Variants in BCAR3 observed in about 807,000 individuals in gnomAD.
BCAR3 encodes BCAR3 adaptor protein, NSP family member.
In BCAR3, 37 loss-of-function variants were observed where a neutral mutation model predicts 80.1. That is an observed-to-expected ratio of 0.46 (90% CI 0.36 to 0.61). BCAR3 has a LOEUF of 0.61. BCAR3 is among the 20% of genes least tolerant of loss of function. BCAR3 has a pLI of 0.00. For synonymous variants in BCAR3, 389 were observed against 418.9 expected (o/e 0.93, Z 0.87); for missense variants, 978 against 1,068.2 (o/e 0.92, Z 1.18).
intron 2 of BCAR3, among the ~76,000 whole-genome samples, chr1:93,666,302 T>C (rs561744019): frequency 2.6e-5 from 4 of 152,266 alleles, no homozygotes; most frequent in Non-Finnish European, 5.9e-5. Context: ...CTGAAGTTAA[T>C]TTTAATCCTT....
intron 10 of BCAR3, 31 bp from the exon 11 acceptor site, chr1:93,567,522 C>A (rs762644785): frequency 1.8e-5 from 29 of 1,605,920 alleles, no homozygotes; most frequent in Non-Finnish European, 2.3e-5. Flanking sequence ...TTTTCCATAT[C>A]ACATGTTTTC....
chr1:93,826,085 G>C (rs1654363564), intron 2 of BCAR3, among the ~76,000 whole-genome samples: 1 of 152,156 alleles, frequency 6.6e-6, no homozygotes, highest in South Asian at 2.1e-4. Flanking sequence ...AAAGAGGGGA[G>C]AGGGAAGGAA....
chr1:93,640,232 A>T (rs1217752859), intron 3 of BCAR3, among the ~76,000 whole-genome samples: 2 of 152,152 alleles, frequency 1.3e-5, no homozygotes, highest in Non-Finnish European at 2.9e-5. Flanking sequence ...ACTAAGTGTG[A>T]GAAGTGCTAC....
intron 3 of BCAR3, among the ~76,000 whole-genome samples, chr1:93,625,914 C>T (rs981084769): frequency 3.3e-5 from 5 of 151,798 alleles, no homozygotes; most frequent in African/African-American, 1.2e-4. Flanking sequence ...TAAATGGATC[C>T]CTGCAACAAA....
chr1:93,678,748 C>T (rs1467767807), intron 1 of BCAR3, among the ~76,000 whole-genome samples: 2 of 152,058 alleles, frequency 1.3e-5, no homozygotes, highest in Non-Finnish European at 2.9e-5. Context: ...GAAGGCCTCT[C>T]TGAAAAGGTA....
chr1:93,644,694 A>C (rs955328444), intron 2 of BCAR3, among the ~76,000 whole-genome samples: 4 of 152,140 alleles, frequency 2.6e-5, no homozygotes, highest in African/African-American at 9.7e-5. Context: ...TGATGCCCAA[A>C]CATGTGGGGC....
At chr1:93,628,635 C>T (rs1675518387) in intron 3 of BCAR3, among the ~76,000 whole-genome samples, 1 of 152,194 alleles carries the variant, frequency 6.6e-6, no homozygotes. Flanking sequence ...TGGTGAGGCC[C>T]TTCCCTGGTC....
At chr1:93,766,031 G>A (rs1395966501) in intron 2 of BCAR3, among the ~76,000 whole-genome samples, 1 of 152,100 alleles carries the variant, frequency 6.6e-6, no homozygotes. Context: ...TAGATCTCCA[G>A]AACTTATTTG....
chr1:93,778,614 A>G (rs1335282419), intron 2 of BCAR3, among the ~76,000 whole-genome samples: 1 of 152,084 alleles, frequency 6.6e-6, no homozygotes, highest in Non-Finnish European at 1.5e-5. Flanking sequence ...CGCTTGTTGC[A>G]GCCCTGGTTT....
chr1:93,834,928 C>T lies in BCAR3; in HGVS notation c.-63+10639G>A, dbSNP rs866089485. Among the ~76,000 whole-genome samples the T allele has an allele frequency of 7.2e-5, 11 of 152,284 alleles. No homozygotes were observed. The South Asian group carries it at 1.5e-3, about 20-fold the overall frequency. On this transcript the variant is annotated intron_variant, in intron 2 of 13. Coordinates refer to the BCAR3 transcript ENST00000370244. ...ACATTCACTCCATTTCCCCATATTT[C>T]CTTCTTTCCTGTTCCTCACCCTGAT...
At chr1:93,566,502 A>C (rs556165978) in intron 11 of BCAR3, among the ~76,000 whole-genome samples, 1 of 152,224 alleles carries the variant, frequency 6.6e-6, no homozygotes, top group Admixed American at 6.5e-5. Flanking sequence ...GTGCTGACTG[A>C]GGAGGCTGCT....
In BCAR3 at chr1:93,586,287, C is replaced by T. The variant is rs1673938664; in HGVS notation, c.930-2166G>A. Reference sequence around the variant, plus strand: ...TTCAGTTGTTTTGACTTTTTGATCCCACAAATAAGTGAGAACATTTGTCTT... The same window carrying T: ...TTCAGTTGTTTTGACTTTTTGATCCTACAAATAAGTGAGAACATTTGTCTT... On this transcript the variant is annotated intron_variant, in intron 5 of 11. Coordinates refer to ENST00000260502, the MANE Select transcript of BCAR3 (RefSeq NM_003567.4). The surrounding 1 kb of genome is among the most constrained non-coding windows in gnomAD (Gnocchi z 4.2). 6.6e-6 allele frequency among the ~76,000 whole-genome samples: 1 copy of T among 152,138 alleles called. No homozygotes were observed. Among genetic ancestry groups the T allele is most frequent in the African/African-American group, 2.4e-5 (1 of 41,426 alleles).
In BCAR3 at chr1:93,807,832, C is replaced by G. The variant is rs111960934; in HGVS notation, c.-63+37735G>C. Among the ~76,000 whole-genome samples the G allele has an allele frequency of 9.1e-4, 139 of 151,926 alleles. 3 individuals carry two copies. Among genetic ancestry groups the G allele is most frequent in the African/African-American group, 3.2e-3 (134 of 41,456 alleles). On this transcript the variant is annotated intron_variant, in intron 2 of 13. Transcript: ENST00000370244. Reference sequence around the variant, plus strand: ...GAGGAATGCTTGAGCCCAGGAGTTCCAGGTCAGCCTTGGCAACATAGCAAA... The same window carrying G: ...GAGGAATGCTTGAGCCCAGGAGTTCGAGGTCAGCCTTGGCAACATAGCAAA...
chr1:93,845,225 T>C (rs1341410227), intron 2 of BCAR3, among the ~76,000 whole-genome samples: 2 of 151,782 alleles, frequency 1.3e-5, no homozygotes, highest in Non-Finnish European at 2.9e-5. Context: ...CTCTGTATGG[T>C]TTTCCCACAG....
At chr1:93,639,068 G>A (rs542068994) in intron 3 of BCAR3, among the ~76,000 whole-genome samples, 1 of 152,282 alleles carries the variant, frequency 6.6e-6, no homozygotes, top group African/African-American at 2.4e-5. Context: ...CCCAGCAGGA[G>A]GCCAGCCTGC....
intron 3 of BCAR3, among the ~76,000 whole-genome samples, chr1:93,692,537 T>C (rs780345917): frequency 6.6e-6 from 1 of 152,218 alleles, no homozygotes; most frequent in Non-Finnish European, 1.5e-5. Flanking sequence ...CTAAGAACTT[T>C]GTGTGCATCA....
At chr1:93,773,574 T>C (rs906011432) in intron 2 of BCAR3, among the ~76,000 whole-genome samples, 11 of 152,274 alleles carry the variant, frequency 7.2e-5, no homozygotes, top group African/African-American at 2.6e-4. Flanking sequence ...ACCTGGTGAT[T>C]GGACCCTGCT....
At chr1:93,588,734 C>A (rs1674047166) in intron 5 of BCAR3, among the ~76,000 whole-genome samples, 1 of 151,832 alleles carries the variant, frequency 6.6e-6, no homozygotes, top group Non-Finnish European at 1.5e-5. Context: ...TAAGTCTACC[C>A]CCTTCACAAG....
At chr1:93,771,899 T>C (rs1294752627) in intron 2 of BCAR3, among the ~76,000 whole-genome samples, 1 of 152,182 alleles carries the variant, frequency 6.6e-6, no homozygotes, top group African/African-American at 2.4e-5. Flanking sequence ...GCTTCTAAGA[T>C]TGCACCATGT....
Sources: gnomAD v4.1 joint callset for allele counts (sites outside exome capture counted in the v4.1 genomes callset) on GRCh38, gnomAD v4.1.1 for gene constraint, Gnocchi (gnomAD v3.1) non-coding constraint, MANE v1.5 for transcripts, NCBI Gene and HGNC (gene_info 2026-07-23, HGNC 2026-07-21) for gene names.